The following ADAMTSL1 variants were observed in gnomAD, a reference collection of about 807,000 sequenced individuals.
ADAMTSL1 encodes the protein ADAMTS-like protein 1.
Under a neutral mutation model 201.8 loss-of-function variants are expected in ADAMTSL1, and 126 were observed. That is an observed-to-expected ratio of 0.62 (90% CI 0.54 to 0.72). The LOEUF (loss-of-function observed/expected upper bound fraction) is 0.72. Among genes scored for constraint, ADAMTSL1 ranks in the 30% least tolerant of loss-of-function variants. The pLI is 0.00. For synonymous variants in ADAMTSL1, 1,121 were observed against 903.4 expected, an observed-to-expected ratio of 1.24 and a Z score of -4.32; for missense variants, 2,679 against 2,277.8, an observed-to-expected ratio of 1.18 and a Z score of -3.59.
At chr9:18,042,845 G>A (rs945215266) in intron 1 of ADAMTSL1, among the ~76,000 whole-genome samples, 1 of 152,244 alleles carries the variant, frequency 6.6e-6, no homozygotes, top group South Asian at 2.1e-4. Context: ...GAATGATGAG[G>A]TTGTGAGATG....
intron 2 of ADAMTSL1, among the ~76,000 whole-genome samples, chr9:18,361,614 C>G (rs1836522862): frequency 6.6e-6 from 1 of 152,140 alleles, no homozygotes; most frequent in Admixed American, 6.5e-5. Flanking sequence ...GAAGCCACTT[C>G]TTTTTTTCCA....
chr9:17,984,208 T>A (rs1009710525), intron 1 of ADAMTSL1, among the ~76,000 whole-genome samples: 3 of 152,114 alleles, frequency 2.0e-5, no homozygotes, highest in Admixed American at 6.5e-5. Flanking sequence ...TTTTTCCTAA[T>A]TAAAAAAGGG....
intron 2 of ADAMTSL1, among the ~76,000 whole-genome samples, chr9:18,313,024 C>T (rs1359895092): frequency 1.3e-5 from 2 of 152,140 alleles, no homozygotes; most frequent in Admixed American, 6.5e-5. Context: ...ACAGATCAAA[C>T]TCATGACTGT....
intron 7 of ADAMTSL1, 142 bp downstream of exon 7, chr9:18,639,553 G>A: frequency 1.1e-6 from 1 of 936,468 alleles, no homozygotes; most frequent in Non-Finnish European, 1.6e-6. Flanking sequence ...ATCTGAGGGT[G>A]TTGAGCTAGC....
chr9:18,573,100 T>TA (rs1426846182), intron 3 of ADAMTSL1, among the ~76,000 whole-genome samples: 3 of 152,194 alleles, frequency 2.0e-5, no homozygotes, highest in Admixed American at 1.3e-4. Context: ...TTATGAAACT[T>TA]ACATCAAAAA....
intron 15 of ADAMTSL1, among the ~76,000 whole-genome samples, chr9:18,728,312 T>C (rs1174422650): frequency 6.6e-6 from 1 of 152,178 alleles, no homozygotes; most frequent in Non-Finnish European, 1.5e-5. Flanking sequence ...GAAGCTTTTC[T>C]GGTTTCTTAA....
intron 16 of ADAMTSL1, among the ~76,000 whole-genome samples, chr9:18,760,599 A>C (rs993588018): frequency 3.9e-5 from 6 of 152,178 alleles, no homozygotes; most frequent in Admixed American, 6.5e-5. Context: ...CATTTTCTAC[A>C]AATTGGATCA....
intron 2 of ADAMTSL1, among the ~76,000 whole-genome samples, chr9:18,290,396 C>T (rs1036918737): frequency 1.3e-5 from 2 of 151,804 alleles, no homozygotes; most frequent in Non-Finnish European, 2.9e-5. Flanking sequence ...GTGTGCTGAG[C>T]CAATGTGAGT....
chr9:17,974,557 G>C (rs1469899541), intron 1 of ADAMTSL1, among the ~76,000 whole-genome samples: 3 of 151,798 alleles, frequency 2.0e-5, no homozygotes, highest in Non-Finnish European at 4.4e-5. Context: ...TCACCATTCT[G>C]CTCTCTGCCT....
In ADAMTSL1 at chr9:18,403,441, C is replaced by A. The variant is rs957576030; in HGVS notation, c.208-101388C>A. 2.0e-5 allele frequency among the ~76,000 whole-genome samples: 3 copies of A among 152,136 alleles called. No homozygotes were observed. In the South Asian group the frequency reaches 6.2e-4, roughly 32 times the overall value. On this transcript the variant is annotated intron_variant, in intron 2 of 29. Transcript: ENST00000680146. ...TCAGGTGATCTGCCTGTCTCAGCCT[C>A]CCTAAGTGCTGGGATTACAGGCATA...
At chr9:18,202,159 A>G (rs1195169967) in intron 2 of ADAMTSL1, among the ~76,000 whole-genome samples, 4 of 152,180 alleles carry the variant, frequency 2.6e-5, no homozygotes, top group Non-Finnish European at 5.9e-5. Context: ...AGACAAACAC[A>G]AAGTCACAGG....
chr9:18,659,557 G>A (rs922206183), intron 8 of ADAMTSL1, among the ~76,000 whole-genome samples: 1 of 152,214 alleles, frequency 6.6e-6, no homozygotes, highest in East Asian at 1.9e-4. Context: ...TTGAGGCCAG[G>A]AGTTCGAGAC....
intron 4 of ADAMTSL1, among the ~76,000 whole-genome samples, chr9:18,574,895 G>A (rs17228625): frequency 0.27 from 41,047 of 152,008 alleles, 6,108 homozygotes; most frequent in Admixed American, 0.36. Flanking sequence ...GGTGAAAAAG[G>A]GTTTGTATGT....
intron 1 of ADAMTSL1, among the ~76,000 whole-genome samples, chr9:17,995,044 G>T (rs1056253467): frequency 6.6e-6 from 1 of 152,108 alleles, no homozygotes; most frequent in African/African-American, 2.4e-5. Flanking sequence ...CAGTCAGAAC[G>T]TGTGGCTTAG....
At chr9:18,034,992 T>C (rs1821129982) in intron 1 of ADAMTSL1, among the ~76,000 whole-genome samples, 1 of 152,224 alleles carries the variant, frequency 6.6e-6, no homozygotes, top group African/African-American at 2.4e-5. Context: ...TCTAGTTCCT[T>C]CTCTGTTATG....
rs564771870 is a variant in ADAMTSL1, at chr9:18,833,668, C to T, written c.4249+3691C>T. Among the ~76,000 whole-genome samples, 910 of 152,218 alleles carry T rather than the reference C, an allele frequency of 6.0e-3. 8 individuals carry two copies. Among genetic ancestry groups the T allele is most frequent in the Middle Eastern group, 0.01 (3 of 294 alleles). ...GTTGTGTTTCCTCTGTTGATAGTTT[C>T]TTTTGTTGTGCAGACGCTCTTTAAT... On this transcript the variant is annotated intron_variant, in intron 23 of 28. Transcript: ENST00000380548.
chr9:18,829,849 C>G lies in ADAMTSL1; in HGVS notation c.4121C>G (p.Pro1374Arg), dbSNP rs1253969726. The stretch of plus-strand genomic sequence containing the variant: ...ACCCTCTGCCTTCTCACAGATCCCC[C>G]CCAAGTCCCCACACAGTTGGAAGAC... ...ESTQLLILDP[P>R]QVPTQLEDIR... Residue 1374 changes from proline to arginine, a missense_variant, in exon 23 of 29, where the codon CCC (proline) becomes CGC (arginine). Coordinates refer to ENST00000380548, the MANE Select transcript of ADAMTSL1 (RefSeq NM_001040272.6). The G allele has an allele frequency of 3.1e-6, 5 of 1,613,858 alleles. No individual in the cohort carries two copies. Among genetic ancestry groups the G allele is most frequent in the South Asian group, 1.1e-5 (1 of 91,080 alleles).
At chr9:18,671,833 C>T (rs551130028) in intron 9 of ADAMTSL1, among the ~76,000 whole-genome samples, 7 of 151,938 alleles carry the variant, frequency 4.6e-5, no homozygotes, top group Non-Finnish European at 8.8e-5. Flanking sequence ...GGCAGGAGAT[C>T]GAGACCATCC....
chr9:18,732,399 C>T (rs1032577782), intron 15 of ADAMTSL1, among the ~76,000 whole-genome samples: 17 of 152,132 alleles, frequency 1.1e-4, no homozygotes, highest in African/African-American at 3.9e-4. Context: ...TGGGACATTC[C>T]ATTTAATGTT....
Sources: allele counts gnomAD v4.1 joint callset (sites outside exome capture counted in the v4.1 genomes callset), GRCh38; gene constraint gnomAD v4.1.1; transcripts MANE v1.5; gene names NCBI Gene and HGNC (gene_info 2026-07-23, HGNC 2026-07-21).